SCAP: variants seen among roughly 807,000 people sequenced by gnomAD.
SCAP encodes the protein sterol regulatory element-binding protein cleavage-activating protein.
In SCAP, 65 loss-of-function variants were observed where a neutral mutation model predicts 123.6. The observed-to-expected ratio is 0.53, with a 90% CI of 0.43 to 0.65. The LOEUF (loss-of-function observed/expected upper bound fraction) is 0.65. SCAP is among the 30% of genes least tolerant of loss of function. The probability of loss-of-function intolerance (pLI) is 0.00; values close to 1 mark genes in which losing one functional copy is unlikely to be tolerated. For missense variants in SCAP, 1,398 were observed against 1,712.5 expected (o/e 0.82, Z 3.24); for synonymous variants, 740 against 726.3 (o/e 1.02, Z -0.30).
In SCAP at chr3:47,464,309, C is replaced by T. The variant is rs367794799; in HGVS notation, c.-99+11490G>A. On this transcript the variant is annotated intron_variant, in intron 1 of 22. Coordinates refer to ENST00000265565, the MANE Select transcript of SCAP (RefSeq NM_012235.4). ...GGGATTACAGGCGTGAGCCACTGCA[C>T]CAGGCTTTTTTTATTTTTTGTAGAG... Among the ~76,000 whole-genome samples the T allele has an allele frequency of 7.9e-5, 12 of 151,994 alleles. No homozygotes were observed. In the South Asian group the frequency reaches 2.3e-3, roughly 29 times the overall value.
At chr3:47,427,091 G>C in intron 6 of SCAP, 66 bp downstream of exon 6, 1 of 1,124,876 alleles carries the variant, frequency 8.9e-7, no homozygotes, top group African/African-American at 1.5e-5. Context: ...AACCAGAAGA[G>C]GGACTACTCA....
At chr3:47,449,700 G>C (rs899669997) in intron 1 of SCAP, among the ~76,000 whole-genome samples, 2 of 124,506 alleles carry the variant, frequency 1.6e-5, no homozygotes, top group African/African-American at 5.5e-5. Context: ...ACATTTCCAG[G>C]TTTGGGGCTG....
At position 47,418,728 on chromosome 3, in the gene SCAP, G is replaced by A. The variant is rs145443669; in HGVS notation, c.2056C>T (p.Pro686Ser). ...GGTCCTGCTTCCCAGTGCCCAGCAG[G>A]TATGGGCCCCGGTGGGGGCCAGGCA... ...RSAWPPPGPI[P>S]AGHWEAGPKG... Residue 686 changes from proline (P) to serine (S), a missense_variant, in exon 14 of 23, where the codon CCT becomes TCT. Transcript: ENST00000265565. 1.4e-5 allele frequency: 22 copies of A among 1,606,016 alleles called. No homozygotes were observed. The highest frequency in any genetic ancestry group is 1.2e-4 in the African/African-American group (9 of 74,630).
chr3:47,475,281 C>G (rs1708223419), intron 1 of SCAP: 1 of 152,200 alleles, frequency 6.6e-6, no homozygotes, highest in Non-Finnish European at 1.5e-5. Flanking sequence ...AGGTCATAAA[C>G]CCACTCAGAA....
At chr3:47,431,772 G>A (rs1042522310) in intron 3 of SCAP, among the ~76,000 whole-genome samples, 2 of 152,138 alleles carry the variant, frequency 1.3e-5, no homozygotes, top group Non-Finnish European at 2.9e-5. Flanking sequence ...TACTGTAGGA[G>A]GTGTCTGTCA....
At chr3:47,474,384 ATATT>A (rs757403080) in intron 1 of SCAP, among the ~76,000 whole-genome samples, 1 of 152,234 alleles carries the variant, frequency 6.6e-6, no homozygotes, top group Middle Eastern at 3.2e-3. Context: ...ATATGGAAAT[ATATT>A]TATACAGTGT....
intron 5 of SCAP, 22 bp from the exon 6 acceptor site, chr3:47,427,284 T>C: frequency 6.3e-7 from 1 of 1,598,284 alleles, no homozygotes; most frequent in Non-Finnish European, 8.6e-7. Flanking sequence ...AACCAGCAGG[T>C]ACTGACACAG....
chr3:47,417,055 A>C (rs1302687267), intron 18 of SCAP, 67 bp downstream of exon 18: 2 of 1,409,804 alleles, frequency 1.4e-6, no homozygotes, highest in Non-Finnish European at 2.0e-6. Flanking sequence ...AGAACTCAAG[A>C]CTCAAGAGAG....
rs1706232981 is a variant in SCAP, at chr3:47,428,514, T to C, written c.409A>G (p.Ser137Gly). Residue 137 changes from serine (S) to glycine (G), a missense_variant and splice_region_variant, in exon 4 of 23, where the codon AGC (serine) becomes GGC (glycine). This residue lies in a region of SCAP where 319 missense variants were observed against 432.4 expected (regional missense o/e 0.74). Transcript: ENST00000265565. ...GGCCAGGGTCCCTGAGAGGGGTACCTGTCTCTCAGCACGTGGTTCCGGATC... is the reference window on the plus strand; with the variant it reads ...GGCCAGGGTCCCTGAGAGGGGTACCCGTCTCTCAGCACGTGGTTCCGGATC... The part of the protein sequence containing the change: ...EEIRNHVLRD[S>G]SGIRSLEELC... The C allele has an allele frequency of 6.2e-7, 1 of 1,613,872 alleles. No homozygotes were observed. Among genetic ancestry groups the C allele is most frequent in the South Asian group, 1.1e-5 (1 of 91,066 alleles).
chr3:47,414,993 C>A lies in SCAP; in HGVS notation c.3140G>T (p.Gly1047Val). 1 of 1,586,286 alleles carries A rather than the reference C, an allele frequency of 6.3e-7. No homozygotes were observed. The highest frequency in any genetic ancestry group is 8.6e-7 in the Non-Finnish European group (1 of 1,167,710). The change falls in exon 20 of 23, where the codon GGG becomes GTG. Residue 1047 changes from glycine to valine, a missense_variant and splice_region_variant. Physicochemically the swap from Gly to Val is moderately radical, Grantham distance 109. Coordinates refer to ENST00000265565, the MANE Select transcript of SCAP (RefSeq NM_012235.4). ...HTALSPLQFRGTPGRGSSPAS... is the reference protein window; with the variant it reads ...HTALSPLQFRVTPGRGSSPAS... The stretch of plus-strand genomic sequence containing the variant: ...AGGGGAACTGCCCCGCCCTGGGGTC[C>A]CTGAGGACAAAAGGCCAAGTGAAGA...
chr3:47,439,241 T>G lies in SCAP; in HGVS notation c.122+3631A>C, dbSNP rs534204318. ...CTGGCCAACATGGTGAAACCCCGTC[T>G]CTACTAAAAATACAAAAAATAGCCG... On this transcript the variant is annotated intron_variant, in intron 2 of 22. Transcript: ENST00000265565. This position sits in a 1 kb window ranked among gnomAD's most constrained non-coding sequence, Gnocchi z 4.0. 6.6e-6 allele frequency among the ~76,000 whole-genome samples: 1 copy of G among 152,094 alleles called. No homozygotes were observed. The highest frequency in any genetic ancestry group is 2.4e-5 in the African/African-American group (1 of 41,502).
At chr3:47,422,750 G>C in intron 9 of SCAP, 3 of 500,780 alleles carry the variant, frequency 6.0e-6, no homozygotes, top group Non-Finnish European at 1.1e-5. Flanking sequence ...GGGAACGGGT[G>C]TTCACAGCCT....
chr3:47,416,347 TGAG>T (rs1481017021), intron 18 of SCAP, among the ~76,000 whole-genome samples: 2 of 152,172 alleles, frequency 1.3e-5, no homozygotes, highest in Non-Finnish European at 2.9e-5. Context: ...ACAGGCTTGC[TGAG>T]GAGGCCAAGC....
At chr3:47,443,635 T>A (rs1706911677) in intron 1 of SCAP, among the ~76,000 whole-genome samples, 1 of 152,192 alleles carries the variant, frequency 6.6e-6, no homozygotes, top group South Asian at 2.1e-4. Flanking sequence ...AGCTTAGGTC[T>A]CTGACATAAT....
Position 47,475,889 on chromosome 3 carries a change from C to G in SCAP, c.-189G>C, listed in dbSNP as rs1360954022. 1.3e-5 allele frequency: 2 copies of G among 156,296 alleles called. No individual in the cohort carries two copies. Among genetic ancestry groups the G allele is most frequent in the African/African-American group, 2.4e-5 (1 of 41,390 alleles). The allele number at this position is 156,296 out of a possible 1,614,324, so 9.7% of individuals were successfully genotyped here. On this transcript the variant is annotated 5_prime_UTR_variant, in exon 1 of 23. Coordinates refer to ENST00000265565, the MANE Select transcript of SCAP (RefSeq NM_012235.4). ...CGGAGCGCGGCGTGCGCGCTCTCGG[C>G]CCGCAGTCCGGTGCGTGGCGCCCTC...
chr3:47,418,925 C>A (rs1425602574), intron 13 of SCAP, 82 bp from the exon 14 acceptor site: 1 of 1,366,626 alleles, frequency 7.3e-7, no homozygotes, highest in Non-Finnish European at 9.6e-7. Context: ...TCCTCTCCCT[C>A]CTCCCCAGGC....
At chr3:47,431,301 G>A (rs1343986853) in intron 3 of SCAP, among the ~76,000 whole-genome samples, 2 of 1,526 alleles carry the variant, frequency 1.3e-3, no homozygotes, top group Non-Finnish European at 0.033. Context: ...CTTAATGTAC[G>A]TGAATTTTTA....
In SCAP at chr3:47,419,386, A is replaced by G; in HGVS notation, c.1882T>C (p.Leu628=). ...GPEDEELWRK[L]SFRHWPTLFS... ...AGCGTCGGCCAGTGGCGGAAGGACA[A>G]TTTCCTCCAAAGTTCCTCATCCTCA... The change falls in exon 13 of 23, where the codon TTG becomes CTG. Residue 628 remains leucine, a synonymous_variant. Coordinates refer to ENST00000265565, the MANE Select transcript of SCAP (RefSeq NM_012235.4). The surrounding 1 kb of genome is among the most constrained non-coding windows in gnomAD (Gnocchi z 5.0). 6.2e-7 allele frequency: 1 copy of G among 1,611,134 alleles called. No homozygotes were observed. Among genetic ancestry groups the G allele is most frequent in the Non-Finnish European group, 8.5e-7 (1 of 1,179,000 alleles).
chr3:47,466,154 A>G (rs58488052), intron 1 of SCAP, among the ~76,000 whole-genome samples: 47,613 of 141,582 alleles, frequency 0.34, 8,387 homozygotes, highest in South Asian at 0.44. Flanking sequence ...AAAAAAAAAA[A>G]AAAGAAAGAA....
Sources: gnomAD v4.1 joint callset for allele counts (sites outside exome capture counted in the v4.1 genomes callset) on GRCh38, gnomAD v4.1.1 for gene constraint, gnomAD v4.1.1 regional missense constraint, Gnocchi (gnomAD v3.1) non-coding constraint, MANE v1.5 for transcripts, NCBI Gene and HGNC (gene_info 2026-07-23, HGNC 2026-07-21) for gene names.